The following GSTCD variants were observed in gnomAD, a reference collection of about 807,000 sequenced individuals.
The protein encoded by GSTCD is glutathione S-transferase C-terminal domain-containing protein.
A neutral mutation model predicts 68.3 loss-of-function variants in GSTCD; 44 were observed. The observed-to-expected ratio is 0.64, with a 90% CI of 0.51 to 0.83. GSTCD has a LOEUF of 0.83. Among genes scored for constraint, GSTCD ranks in the 40% least tolerant of loss-of-function variants. GSTCD has a pLI of 0.00. For missense variants in GSTCD, 739 were observed against 735.9 expected (o/e 1.00, Z -0.05); for synonymous variants, 273 against 255.2 (o/e 1.07, Z -0.67).
chr4:105,787,070 A>G (rs1483284646), intron 5 of GSTCD, among the ~76,000 whole-genome samples: 1 of 152,058 alleles, frequency 6.6e-6, no homozygotes, highest in African/African-American at 2.4e-5. Context: ...TGATGTATCC[A>G]TCAACAGTAA....
chr4:105,813,654 A>C (rs1396350826), intron 5 of GSTCD, among the ~76,000 whole-genome samples: 4 of 152,180 alleles, frequency 2.6e-5, no homozygotes, highest in Non-Finnish European at 5.9e-5. Context: ...CTAAGTATGC[A>C]CAATTGTAAT....
At position 105,726,802 on chromosome 4, in the gene GSTCD, G is replaced by A. The variant is rs1194191890; in HGVS notation, c.1118G>A (p.Gly373Glu). The part of the protein sequence containing the change: ...EEQSDPLFIG[G>E]PRPTMAKLME... Reference sequence around the variant, plus strand: ...CAAAGCGATCCTTTATTTATAGGAGGACCAAGACCAACCATGGCCAAGTTA... The same window carrying A: ...CAAAGCGATCCTTTATTTATAGGAGAACCAAGACCAACCATGGCCAAGTTA... Residue 373 changes from glycine (G) to glutamate (E), a missense_variant, in exon 4 of 12, where the codon GGA becomes GAA. Gly to Glu is a moderately conservative substitution (Grantham distance 98). Transcript: ENST00000515279. The A allele has an allele frequency of 1.2e-6, 2 of 1,611,680 alleles. No individual in the cohort carries two copies. Among genetic ancestry groups the A allele is most frequent in the African/African-American group, 1.3e-5 (1 of 74,962 alleles).
In GSTCD at chr4:105,740,489, G is replaced by A. The variant is rs146533055; in HGVS notation, c.1240+10990G>A. 8.5e-3 allele frequency among the ~76,000 whole-genome samples: 1,294 copies of A among 152,054 alleles called. 22 individuals carry two copies. The highest frequency in any genetic ancestry group is 0.03 in the African/African-American group (1,238 of 41,478). On this transcript the variant is annotated intron_variant, in intron 5 of 11. Coordinates refer to ENST00000515279, the MANE Select transcript of GSTCD (RefSeq NM_001370181.1). ...TGTTACTTCTTTGATGTACTCCAGCGCTCTCCTTTAGTCATTTTCATTATG... is the reference window on the plus strand; with the variant it reads ...TGTTACTTCTTTGATGTACTCCAGCACTCTCCTTTAGTCATTTTCATTATG...
At chr4:105,743,599 A>T (rs1028162376) in intron 5 of GSTCD, among the ~76,000 whole-genome samples, 2 of 151,230 alleles carry the variant, frequency 1.3e-5, no homozygotes, top group Non-Finnish European at 2.9e-5. Context: ...TAAGTTGCAG[A>T]CATTGTTCAC....
At chr4:105,806,825 A>G (rs1160094552) in intron 5 of GSTCD, among the ~76,000 whole-genome samples, 2 of 152,132 alleles carry the variant, frequency 1.3e-5, no homozygotes, top group African/African-American at 2.4e-5. Context: ...TCCATACGCT[A>G]TAGGCCCTCC....
At chr4:105,762,940 A>T (rs558342344) in intron 5 of GSTCD, among the ~76,000 whole-genome samples, 1 of 152,316 alleles carries the variant, frequency 6.6e-6, no homozygotes, top group South Asian at 2.1e-4. Context: ...TCACTTAAAA[A>T]ATATATTTTA....
chr4:105,788,956 T>A (rs1027485962), intron 5 of GSTCD, among the ~76,000 whole-genome samples: 1 of 152,082 alleles, frequency 6.6e-6, no homozygotes, highest in Non-Finnish European at 1.5e-5. Context: ...ATAAGAAGAC[T>A]GTTTTCCTAG....
At chr4:105,756,489 TGCACATAC>T (rs1278289176) in intron 5 of GSTCD, among the ~76,000 whole-genome samples, 1 of 91,558 alleles carries the variant, frequency 1.1e-5, no homozygotes, top group African/African-American at 4.2e-5. Flanking sequence ...CAGAGACCTA[TGCACATAC>T]ACACACACAC....
At chr4:105,821,988 T>C (rs1003008991) in intron 5 of GSTCD, among the ~76,000 whole-genome samples, 4 of 151,890 alleles carry the variant, frequency 2.6e-5, no homozygotes, top group Non-Finnish European at 5.9e-5. Flanking sequence ...GTCATGCCAT[T>C]TTTCTGGGAA....
chr4:105,728,669 C>CTAGATATAGATATAGATA lies in GSTCD; in HGVS notation c.1147-723_1147-722insGATATAGATATAGATATA, dbSNP rs758465092. Among the ~76,000 whole-genome samples the CTAGATATAGATATAGATA allele has an allele frequency of 4.2e-3, 552 of 131,894 alleles. 5 individuals carry two copies. The highest frequency in any genetic ancestry group is 0.014 in the African/African-American group (507 of 37,126). 86.5% of individuals were successfully genotyped at this position (131,894 alleles called of 152,430 possible). ...AAAAATAACAGAGCCATGGAGATAT[C>CTAGATATAGATATAGATA]TAGATATAGATATATAGATATAGAT... On this transcript the variant is annotated intron_variant, in intron 4 of 11. Transcript: ENST00000515279.
At chr4:105,826,734 A>G (rs950457544) in intron 8 of GSTCD, among the ~76,000 whole-genome samples, 4 of 152,108 alleles carry the variant, frequency 2.6e-5, no homozygotes, top group Admixed American at 2.0e-4. Context: ...AATTATTACT[A>G]TGATGGATAT....
At chr4:105,812,661 A>AT (rs987378891) in intron 5 of GSTCD, among the ~76,000 whole-genome samples, 8 of 151,968 alleles carry the variant, frequency 5.3e-5, no homozygotes, top group East Asian at 1.9e-4. Flanking sequence ...GAATATATAT[A>AT]TTTTTTTTAC....
intron 4 of GSTCD, among the ~76,000 whole-genome samples, chr4:105,727,211 G>C (rs1164718223): frequency 6.6e-6 from 1 of 151,108 alleles, no homozygotes; most frequent in Non-Finnish European, 1.5e-5. Context: ...TTTTAGTTTG[G>C]ATAATGATTG....
intron 5 of GSTCD, among the ~76,000 whole-genome samples, chr4:105,786,045 T>C (rs1735452907): frequency 1.3e-5 from 2 of 152,202 alleles, no homozygotes; most frequent in Non-Finnish European, 2.9e-5. Context: ...ATACTCATAA[T>C]TTAACTCTAA....
intron 5 of GSTCD, 67 bp from the exon 6 acceptor site, chr4:105,822,887 T>C: frequency 8.8e-7 from 1 of 1,133,804 alleles, no homozygotes; most frequent in South Asian, 1.3e-5. Context: ...TAGTCTATTT[T>C]AAGCGTGTCT....
chr4:105,741,552 CAT>C (rs1184502166), intron 5 of GSTCD, among the ~76,000 whole-genome samples: 8 of 152,124 alleles, frequency 5.3e-5, no homozygotes, highest in Admixed American at 2.0e-4. Flanking sequence ...CTAAATGCCA[CAT>C]GTTTTGCTTT....
chr4:105,746,820 C>T (rs1733819940), intron 5 of GSTCD, among the ~76,000 whole-genome samples: 1 of 151,944 alleles, frequency 6.6e-6, no homozygotes, highest in South Asian at 2.1e-4. Flanking sequence ...ATGAACTGAC[C>T]CTTAACATTA....
Position 105,717,933 on chromosome 4 carries a change from T to C in GSTCD, c.320T>C (p.Val107Ala). ...SDNFCRAGLA[V>A]VLRHIIQKSY... is the part of the protein sequence containing the mutation. ...AATTTTTGTAGAGCAGGACTTGCTG[T>C]TGTATTGAGACACATAATCCAGAAA... The change falls in exon 2 of 12, where the codon GTT becomes GCT. Residue 107 changes from valine to alanine, a missense_variant. By Grantham distance (64) the Val-to-Ala change is moderately conservative. Transcript: ENST00000515279. 6.2e-7 allele frequency: 1 copy of C among 1,614,116 alleles called. No individual in the cohort carries two copies. The highest frequency in any genetic ancestry group is 8.5e-7 in the Non-Finnish European group (1 of 1,179,982).
Position 105,845,456 on chromosome 4 carries a change from G to T in GSTCD, c.1781G>T (p.Cys594Phe). The T allele has an allele frequency of 6.2e-7, 1 of 1,614,156 alleles. No homozygotes were observed. Among genetic ancestry groups the T allele is most frequent in the Non-Finnish European group, 8.5e-7 (1 of 1,180,018 alleles). The change falls in exon 12 of 12, where the codon TGC becomes TTC. Residue 594 changes from cysteine to phenylalanine, a missense_variant. Coordinates refer to ENST00000515279, the MANE Select transcript of GSTCD (RefSeq NM_001370181.1). ...QRRLIGKQCM[C>F]LVDLDRARAA... ...TGTGTTTCAGGAAAACAGTGCATGT[G>T]CTTGGTGGATCTGGATCGAGCAAGA...
Sources: gnomAD v4.1 joint callset for allele counts (sites outside exome capture counted in the v4.1 genomes callset) on GRCh38, gnomAD v4.1.1 for gene constraint, MANE v1.5 for transcripts, NCBI Gene and HGNC (gene_info 2026-07-23, HGNC 2026-07-21) for gene names.